TBPL1: variants seen among roughly 807,000 people sequenced by gnomAD.
TBPL1 encodes TATA-box binding protein like 1.
Under a neutral mutation model 22.1 loss-of-function variants are expected in TBPL1, and 4 were observed. That is an observed-to-expected ratio of 0.18 (90% confidence interval 0.09 to 0.41). TBPL1 has a LOEUF of 0.41. TBPL1 is among the 10% of genes least tolerant of loss of function. The pLI, the probability that TBPL1 is intolerant of heterozygous loss-of-function variation, is 1.00. For missense variants in TBPL1, 115 were observed against 222.3 expected, an observed-to-expected ratio of 0.52 and a Z score of 3.07; for synonymous variants, 64 against 71.0, an observed-to-expected ratio of 0.90 and a Z score of 0.50.
chr6:133,975,653 A>G (rs939964342), intron 1 of TBPL1, among the ~76,000 whole-genome samples: 1 of 152,228 alleles, frequency 6.6e-6, no homozygotes, highest in Non-Finnish European at 1.5e-5. Flanking sequence ...GTATTAGCAA[A>G]CCAGATTCAT....
intron 1 of TBPL1, among the ~76,000 whole-genome samples, chr6:133,978,783 A>G (rs1451510883): frequency 6.6e-6 from 1 of 152,204 alleles, no homozygotes; most frequent in Non-Finnish European, 1.5e-5. Flanking sequence ...AGGCAGAGAA[A>G]CAAGACCTTC....
rs1033469378 is a variant in TBPL1, at chr6:133,956,015, C to T, written c.-45+2590C>T. On this transcript the variant is annotated intron_variant, in intron 1 of 6. Coordinates refer to ENST00000237264, the MANE Select transcript of TBPL1 (RefSeq NM_004865.4). ...GGAGAGAGTTATTTCTTCTCATGGA[C>T]ATGGCACATTATTTAAAAAAATCAG... Among the ~76,000 whole-genome samples, 9 of 152,188 alleles carry T rather than the reference C, an allele frequency of 5.9e-5. No individual in the cohort carries two copies. The South Asian group carries it at 1.0e-3, about 18-fold the overall frequency.
rs1222764018 is a variant in TBPL1, at chr6:133,985,298, ATATAT to A, written c.481+628_481+632del. Among the ~76,000 whole-genome samples, 115 of 31,120 alleles carry A rather than the reference ATATAT, an allele frequency of 3.7e-3. 24 individuals carry two copies. Among genetic ancestry groups the A allele is most frequent in the Admixed American group, 0.01 (19 of 1,880 alleles). The allele number at this position is 31,120 out of a possible 152,430, so 20.4% of individuals were successfully genotyped here. ...GTCTAAAAAAAAAAAAAAAAAAAAAATATATATATATATATATATATATATATATA... is the reference window on the plus strand; with the variant it reads ...GTCTAAAAAAAAAAAAAAAAAAAAAAATATATATATATATATATATATATA... On this transcript the variant is annotated intron_variant, in intron 6 of 6. Transcript: ENST00000237264.
In TBPL1 at chr6:133,989,372, C is replaced by G. The variant is rs1211419828; in HGVS notation, c.*2332C>G. 1 of 152,016 alleles carries G rather than the reference C, an allele frequency of 6.6e-6. No individual in the cohort carries two copies. The highest frequency in any genetic ancestry group is 6.6e-5 in the Admixed American group (1 of 15,262). 9.4% of individuals were successfully genotyped at this position (152,016 alleles called of 1,614,324 possible). The stretch of plus-strand genomic sequence containing the variant: ...TAAAAGAAAAATATAAAAGAATGCT[C>G]AAGATACTGAAGTCAAGGTCACTAG... On this transcript the variant is annotated 3_prime_UTR_variant, in exon 7 of 7. Transcript: ENST00000237264.
chr6:133,988,766 A>G lies in TBPL1; in HGVS notation c.*1726A>G, dbSNP rs1776575632. The G allele has an allele frequency of 6.6e-6, 1 of 151,900 alleles. No individual in the cohort carries two copies. The highest frequency in any genetic ancestry group is 1.5e-5 in the Non-Finnish European group (1 of 67,986). 9.4% of individuals were successfully genotyped at this position (151,900 alleles called of 1,614,324 possible). A position where few individuals can be genotyped will look rare whatever the true frequency, so the allele number is the denominator to read the frequency against. On this transcript the variant is annotated 3_prime_UTR_variant, in exon 7 of 7. Transcript: ENST00000237264. The stretch of plus-strand genomic sequence containing the variant: ...AAGTGTTTATTTCCTTTATTTTAAG[A>G]TTCAGTAGGATAGCCAAATTCATAG...
rs569058278 is a variant in TBPL1, at chr6:133,982,695, C to G, written c.218+45C>G. 5 of 1,597,220 alleles carry G rather than the reference C, an allele frequency of 3.1e-6. No homozygotes were observed. In the African/African-American group the frequency reaches 5.4e-5, roughly 17 times the overall value. ...TTTGTTTTTATTTTTTACTTTTTCC[C>G]TCATGGAAAGGACATTTTCCTAGAC... On this transcript the variant is annotated intron_variant, in intron 3 of 6. Transcript: ENST00000237264.
At chr6:133,965,368 G>A (rs1217191101) in intron 1 of TBPL1, among the ~76,000 whole-genome samples, 1 of 152,102 alleles carries the variant, frequency 6.6e-6, no homozygotes, top group Non-Finnish European at 1.5e-5. Context: ...TCATAAACTT[G>A]TATCACAATT....
intron 1 of TBPL1, among the ~76,000 whole-genome samples, chr6:133,962,581 G>A (rs1486664687): frequency 6.6e-6 from 1 of 152,192 alleles, no homozygotes; most frequent in East Asian, 1.9e-4. Context: ...TTGTTTGTAT[G>A]TGTCGATTTT....
intron 1 of TBPL1, among the ~76,000 whole-genome samples, chr6:133,958,328 TGTTA>T (rs1259545947): frequency 1.1e-4 from 16 of 152,226 alleles, no homozygotes; most frequent in African/African-American, 3.9e-4. Context: ...ACTTGAAGCT[TGTTA>T]GTATCAGTGT....
chr6:133,975,504 C>G (rs1269771833), intron 1 of TBPL1, among the ~76,000 whole-genome samples: 2 of 152,008 alleles, frequency 1.3e-5, no homozygotes, highest in Non-Finnish European at 2.9e-5. Flanking sequence ...AACCTGTCTT[C>G]CTGAGAATTA....
intron 1 of TBPL1, among the ~76,000 whole-genome samples, chr6:133,955,884 CAT>C (rs1170645643): frequency 6.6e-6 from 1 of 152,180 alleles, no homozygotes; most frequent in Admixed American, 6.5e-5. Context: ...TTATTCTTAA[CAT>C]AGAAAATTGT....
chr6:133,977,009 G>C, intron 1 of TBPL1, among the ~76,000 whole-genome samples: 1 of 151,502 alleles, frequency 6.6e-6, no homozygotes, highest in Non-Finnish European at 1.5e-5. Flanking sequence ...AGATTTGTCT[G>C]TTTCGTTGGA....
At chr6:133,961,791 G>C (rs1776029638) in intron 1 of TBPL1, among the ~76,000 whole-genome samples, 1 of 152,144 alleles carries the variant, frequency 6.6e-6, no homozygotes. Context: ...TCTTAAGAAA[G>C]TTGAAAGACC....
In TBPL1 at chr6:133,988,372, T is replaced by C. The variant is rs1039846164; in HGVS notation, c.*1332T>C. On this transcript the variant is annotated 3_prime_UTR_variant, in exon 7 of 7. Transcript: ENST00000237264. ...AGTTTAGTGTAACCAACAGTGATTA[T>C]ACCTAGAAATAAAGCTGAGTGGAGA... The C allele has an allele frequency of 1.3e-5, 2 of 152,230 alleles. No homozygotes were observed. Among genetic ancestry groups the C allele is most frequent in the African/African-American group, 4.8e-5 (2 of 41,464 alleles). 9.4% of individuals were successfully genotyped at this position (152,230 alleles called of 1,614,324 possible).
At chr6:133,982,728 C>T in intron 3 of TBPL1, 78 bp downstream of exon 3, 1 of 1,580,468 alleles carries the variant, frequency 6.3e-7, no homozygotes, top group East Asian at 2.2e-5. Context: ...GACTTAACAG[C>T]AAAATCATAT....
chr6:133,952,618 C>T (rs1462378101), upstream of TBPL1: 1 of 152,190 alleles, frequency 6.6e-6, no homozygotes, highest in Non-Finnish European at 1.5e-5. The surrounding 1 kb of genome is among the most constrained non-coding windows in gnomAD (Gnocchi z 4.5). Flanking sequence ...TCCAATTCGC[C>T]TAGTGAGGAA....
At chr6:133,975,793 TGAG>T (rs1354363854) in intron 1 of TBPL1, among the ~76,000 whole-genome samples, 2 of 152,100 alleles carry the variant, frequency 1.3e-5, no homozygotes, top group Non-Finnish European at 2.9e-5. Context: ...GAGGGAAAGG[TGAG>T]GAGGATGTGA....
intron 1 of TBPL1, chr6:133,968,879 T>G (rs915176116): frequency 4.6e-5 from 7 of 152,168 alleles, no homozygotes; most frequent in African/African-American, 1.4e-4. Context: ...CAGGCTGGTC[T>G]CCAACTCCTG....
chr6:133,963,357 A>G (rs990600203), intron 1 of TBPL1, among the ~76,000 whole-genome samples: 4 of 152,196 alleles, frequency 2.6e-5, no homozygotes, highest in Non-Finnish European at 5.9e-5. Context: ...ATCAAGGTCA[A>G]TTAAATCTGT....
Sources: gnomAD v4.1 joint callset for allele counts (sites outside exome capture counted in the v4.1 genomes callset) on GRCh38, gnomAD v4.1.1 for gene constraint, Gnocchi (gnomAD v3.1) non-coding constraint, MANE v1.5 for transcripts, NCBI Gene and HGNC (gene_info 2026-07-23, HGNC 2026-07-21) for gene names.